MGAT4C: variants seen among roughly 807,000 people sequenced by gnomAD.
MGAT4C encodes alpha-1,3-mannosyl-glycoprotein 4-beta-N-acetylglucosaminyltransferase C.
MGAT4C carries 19 observed loss-of-function variants against 40.1 expected under a neutral mutation model. The ratio of observed to expected loss-of-function variants is 0.47; its 90% CI spans 0.33 to 0.70. MGAT4C has a LOEUF of 0.70. MGAT4C is among the 30% of genes least tolerant of loss of function. The pLI is 0.02. For synonymous variants in MGAT4C, 181 were observed against 187.1 expected, an observed-to-expected ratio of 0.97 and a Z score of 0.27; for missense variants, 491 against 563.2, an observed-to-expected ratio of 0.87 and a Z score of 1.30.
At chr12:86,257,709 C>A (rs1952563329), upstream of MGAT4C, among the ~76,000 whole-genome samples, 1 of 152,176 alleles carries the variant, frequency 6.6e-6, no homozygotes, top group Non-Finnish European at 1.5e-5. Flanking sequence ...TGAAAATACA[C>A]TTTCATATGT....
intron 1 of MGAT4C, among the ~76,000 whole-genome samples, chr12:86,250,722 G>C (rs955176288): frequency 3.3e-5 from 5 of 152,016 alleles, no homozygotes; most frequent in Non-Finnish European, 5.9e-5. Flanking sequence ...TTTTAGATTT[G>C]AGAAAAGTTC....
At chr12:86,525,615 T>G (rs1288627522) in intron 2 of MGAT4C, among the ~76,000 whole-genome samples, 1 of 152,244 alleles carries the variant, frequency 6.6e-6, no homozygotes, top group Non-Finnish European at 1.5e-5. Flanking sequence ...CATGTTTTTT[T>G]CTTTTTTAAT....
intron 2 of MGAT4C, among the ~76,000 whole-genome samples, chr12:86,488,059 A>G (rs1958055086): frequency 6.6e-6 from 1 of 152,152 alleles, no homozygotes; most frequent in Non-Finnish European, 1.5e-5. Flanking sequence ...GCCTGAAATC[A>G]GTGGTAACAT....
intron 2 of MGAT4C, among the ~76,000 whole-genome samples, chr12:86,562,705 G>A (rs941178629): frequency 3.9e-5 from 6 of 152,108 alleles, no homozygotes; most frequent in Non-Finnish European, 5.9e-5. Context: ...GACCCATGAG[G>A]AGGTGCACTA....
Position 86,496,905 on chromosome 12 carries a change from A to G in MGAT4C, c.-228-61640T>C, listed in dbSNP as rs1333360773. On this transcript the variant is annotated intron_variant, in intron 2 of 7. Transcript: ENST00000548651. The stretch of plus-strand genomic sequence containing the variant: ...TACTACCTATATGGGTCTCCCATAA[A>G]ACCATATTGAACCCTAATAGATATG... Among the ~76,000 whole-genome samples the G allele has an allele frequency of 2.0e-5, 3 of 152,050 alleles. No homozygotes were observed. The Admixed American group carries it at 2.0e-4, about 10-fold the overall frequency.
intron 1 of MGAT4C, among the ~76,000 whole-genome samples, chr12:86,768,876 A>G (rs1030220639): frequency 6.6e-6 from 1 of 152,088 alleles, no homozygotes; most frequent in African/African-American, 2.4e-5. Flanking sequence ...TTCAAGATGG[A>G]TTAAAGACTT....
intron 3 of MGAT4C, among the ~76,000 whole-genome samples, chr12:86,379,372 G>T (rs539673505): frequency 6.6e-6 from 1 of 152,130 alleles, no homozygotes; most frequent in South Asian, 2.1e-4. Context: ...ATTGAAATTA[G>T]GCATTTTATA....
chr12:86,271,733 A>T (rs1245786888), intron 4 of MGAT4C, among the ~76,000 whole-genome samples: 2 of 152,214 alleles, frequency 1.3e-5, no homozygotes, highest in Non-Finnish European at 2.9e-5. Context: ...ACAATAGCAA[A>T]TATGTGGAAC....
rs375157849 is a variant in MGAT4C at position 86,211,443 on chromosome 12, C to T, written c.-57+44796G>A. Among the ~76,000 whole-genome samples, 139 of 126,630 alleles carry T rather than the reference C, an allele frequency of 1.1e-3. 1 individual carries two copies. The highest frequency in any genetic ancestry group is 8.6e-3 in the Middle Eastern group (2 of 232). The allele number at this position is 126,630 out of a possible 152,430, so 83.1% of individuals were successfully genotyped here. A position where few individuals can be genotyped will look rare whatever the true frequency, so the allele number is the denominator to read the frequency against. ...AAAAAAAAAAAAAAAAAAAATTAGC[C>T]GGGCGTGGTGGCGGTCGCCTGTAGT... On this transcript the variant is annotated intron_variant, in intron 1 of 4. Transcript: ENST00000611864.
chr12:85,957,666 AAAAAAAAG>A lies in MGAT4C; in HGVS notation c.*21615_*21622del, dbSNP rs1882876355. ...GAGTTGAATAAGAAAGCAAAAAAAA[AAAAAAAAG>A]AAAAAAGAAAAAAAAAATCTATCAA... On this transcript the variant is annotated 3_prime_UTR_variant, in exon 5 of 5. Coordinates refer to ENST00000611864, the MANE Select transcript of MGAT4C (RefSeq NM_001351288.2). The A allele has an allele frequency of 2.0e-5, 3 of 149,858 alleles. No individual in the cohort carries two copies. The highest frequency in any genetic ancestry group is 7.3e-5 in the African/African-American group (3 of 40,928). The allele number at this position is 149,858 out of a possible 1,614,324, so 9.3% of individuals were successfully genotyped here.
chr12:86,127,186 T>C (rs1593011993), intron 1 of MGAT4C, among the ~76,000 whole-genome samples: 1 of 152,124 alleles, frequency 6.6e-6, no homozygotes, highest in Non-Finnish European at 1.5e-5. Flanking sequence ...GCCCACTACA[T>C]ACCTAGGCTA....
intron 4 of MGAT4C, among the ~76,000 whole-genome samples, chr12:86,325,653 G>T (rs1246343721): frequency 6.6e-6 from 1 of 152,112 alleles, no homozygotes; most frequent in Non-Finnish European, 1.5e-5. Context: ...CAAGGCAGGT[G>T]GATTGCTTGA....
intron 1 of MGAT4C, among the ~76,000 whole-genome samples, chr12:86,105,495 C>G (rs2135615226): frequency 6.6e-6 from 1 of 152,132 alleles, no homozygotes; most frequent in South Asian, 2.1e-4. Context: ...TCTCAAATAA[C>G]CTATATTGAT....
At chr12:86,626,251 AC>A (rs1233799635) in intron 2 of MGAT4C, among the ~76,000 whole-genome samples, 2 of 152,228 alleles carry the variant, frequency 1.3e-5, no homozygotes, top group African/African-American at 4.8e-5. Context: ...GGAGTCATAC[AC>A]AAAAGAGATG....
At position 86,032,476 on chromosome 12, in the gene MGAT4C, T is replaced by C. The variant is rs879906419; in HGVS notation, c.-7+17198A>G. 2.7e-5 allele frequency among the ~76,000 whole-genome samples: 4 copies of C among 149,808 alleles called. 1 individual carries two copies. Among genetic ancestry groups the C allele is most frequent in the Non-Finnish European group, 4.5e-5 (3 of 66,752 alleles). On this transcript the variant is annotated intron_variant, in intron 2 of 4. Coordinates refer to ENST00000611864, the MANE Select transcript of MGAT4C (RefSeq NM_001351288.2). ...CCATTACGACTGGTGTGAGTTGGTA[T>C]CTCATTGTGAGGTTGATTTGCATTT...
At chr12:86,588,022 G>C (rs1961142948) in intron 2 of MGAT4C, among the ~76,000 whole-genome samples, 1 of 151,954 alleles carries the variant, frequency 6.6e-6, no homozygotes, top group Admixed American at 6.6e-5. Context: ...TCCCTGTCTT[G>C]TGCCAGTTTT....
chr12:86,810,838 G>A (rs575772433), intron 1 of MGAT4C, among the ~76,000 whole-genome samples: 8 of 151,772 alleles, frequency 5.3e-5, no homozygotes, highest in African/African-American at 1.5e-4. Context: ...TTGGTATTAC[G>A]GTAATACTAG....
At chr12:86,456,128 A>C (rs1411600241) in intron 2 of MGAT4C, among the ~76,000 whole-genome samples, 1 of 152,098 alleles carries the variant, frequency 6.6e-6, no homozygotes, top group Non-Finnish European at 1.5e-5. Flanking sequence ...TGTTTTATTT[A>C]ATTTATTGAG....
chr12:86,462,065 G>A (rs1592875889), intron 2 of MGAT4C, among the ~76,000 whole-genome samples: 1 of 152,180 alleles, frequency 6.6e-6, no homozygotes, highest in African/African-American at 2.4e-5. Flanking sequence ...ATGGTTAAGA[G>A]TTGGAACAGA....
Sources: allele counts gnomAD v4.1 joint callset (sites outside exome capture counted in the v4.1 genomes callset), GRCh38; gene constraint gnomAD v4.1.1; transcripts MANE v1.5; gene names NCBI Gene and HGNC (gene_info 2026-07-23, HGNC 2026-07-21).